The following TCERG1L variants were observed in gnomAD, a reference collection of about 807,000 sequenced individuals.
The protein encoded by TCERG1L is transcription elongation regulator 1-like protein.
TCERG1L carries 37 observed loss-of-function variants against 56.3 expected under a neutral mutation model. That is an observed-to-expected ratio of 0.66 (90% CI 0.51 to 0.87). The LOEUF (loss-of-function observed/expected upper bound fraction) is 0.87. Among genes scored for constraint, TCERG1L ranks in the 40% least tolerant of loss-of-function variants. The pLI, the probability that TCERG1L is intolerant of heterozygous loss-of-function variation, is 0.00. For synonymous variants in TCERG1L, 324 were observed against 326.3 expected, an observed-to-expected ratio of 0.99 and a Z score of 0.08; for missense variants, 799 against 774.2, an observed-to-expected ratio of 1.03 and a Z score of -0.38.
chr10:131,114,536 G>A (rs1845435888), intron 9 of TCERG1L, among the ~76,000 whole-genome samples: 1 of 152,040 alleles, frequency 6.6e-6, no homozygotes. Context: ...AGATGATTTT[G>A]CTGATTCCTG....
chr10:131,269,126 T>C (rs1431579395), intron 3 of TCERG1L, among the ~76,000 whole-genome samples: 2 of 152,242 alleles, frequency 1.3e-5, no homozygotes, highest in South Asian at 2.1e-4. Flanking sequence ...CATGCCACTC[T>C]TCTTTTCATT....
Position 131,249,685 on chromosome 10 carries a change from T to C in TCERG1L, c.856+10574A>G, listed in dbSNP as rs138512557. Among the ~76,000 whole-genome samples, 1,057 of 152,306 alleles carry C rather than the reference T, an allele frequency of 6.9e-3. 10 individuals carry two copies. Among genetic ancestry groups the C allele is most frequent in the African/African-American group, 0.024 (995 of 41,564 alleles). ...CAAAATATATATCACCAGTCTAAAC[T>C]GGAATCACATATCCACTCTCCCGCT... On this transcript the variant is annotated intron_variant, in intron 4 of 11. Transcript: ENST00000368642.
chr10:131,256,939 G>A lies in TCERG1L; in HGVS notation c.856+3320C>T, dbSNP rs942755441. Among the ~76,000 whole-genome samples the A allele has an allele frequency of 1.0e-4, 13 of 130,070 alleles. 1 individual carries two copies. Among genetic ancestry groups the A allele is most frequent in the Admixed American group, 3.5e-4 (4 of 11,504 alleles). 85.3% of individuals were successfully genotyped at this position (130,070 alleles called of 152,430 possible). On this transcript the variant is annotated intron_variant, in intron 4 of 11. Transcript: ENST00000368642. ...GGAAGGAAGGGAAGGAAGGGAGGGAGGAAGAGAAAGAAGGAAGGAAGGAAG... is the reference window on the plus strand; with the variant it reads ...GGAAGGAAGGGAAGGAAGGGAGGGAAGAAGAGAAAGAAGGAAGGAAGGAAG...
intron 8 of TCERG1L, among the ~76,000 whole-genome samples, chr10:131,131,782 G>A (rs966875120): frequency 6.6e-6 from 1 of 152,200 alleles, no homozygotes; most frequent in African/African-American, 2.4e-5. Flanking sequence ...ACATAATCAG[G>A]CTGCTGATGA....
intron 3 of TCERG1L, among the ~76,000 whole-genome samples, chr10:131,274,023 T>G (rs78411042): frequency 7.9e-5 from 12 of 152,170 alleles, no homozygotes; most frequent in African/African-American, 2.9e-4. Context: ...TTCTGTTTGG[T>G]TGAGAGAGGA....
chr10:131,214,275 C>G (rs1181292780), intron 4 of TCERG1L, among the ~76,000 whole-genome samples: 1 of 152,100 alleles, frequency 6.6e-6, no homozygotes, highest in African/African-American at 2.4e-5. Flanking sequence ...GCCCCCTGTC[C>G]AGGGCACAGT....
chr10:131,292,803 T>TA (rs1846644954), intron 3 of TCERG1L, among the ~76,000 whole-genome samples: 1 of 151,922 alleles, frequency 6.6e-6, no homozygotes, highest in Non-Finnish European at 1.5e-5. Flanking sequence ...TTTTTTCATG[T>TA]AATGTGTTTT....
intron 4 of TCERG1L, among the ~76,000 whole-genome samples, chr10:131,245,705 T>C (rs1268267325): frequency 6.6e-6 from 1 of 152,170 alleles, no homozygotes; most frequent in Admixed American, 6.5e-5. Context: ...CTGCCACTGC[T>C]CCTCGGTACA....
At chr10:131,238,508 C>A (rs1215408736) in intron 4 of TCERG1L, among the ~76,000 whole-genome samples, 2 of 152,144 alleles carry the variant, frequency 1.3e-5, no homozygotes, top group African/African-American at 4.8e-5. Context: ...GGCTTTATTT[C>A]ACAAGCGGAC....
chr10:131,207,745 C>T lies in TCERG1L; in HGVS notation c.857-40860G>A, dbSNP rs550440895. 1.4e-3 allele frequency among the ~76,000 whole-genome samples: 219 copies of T among 152,248 alleles called. 2 individuals are homozygous for T. Among genetic ancestry groups the T allele is most frequent in the Middle Eastern group, 0.014 (4 of 294 alleles). On this transcript the variant is annotated intron_variant, in intron 4 of 11. Coordinates refer to ENST00000368642, the MANE Select transcript of TCERG1L (RefSeq NM_174937.4). ...GCTGAGGTCCATGCGACCTCAGATG[C>T]GCCAGGCCCGGGAACCAGGACCGCC...
intron 3 of TCERG1L, among the ~76,000 whole-genome samples, chr10:131,293,348 G>C (rs1348173437): frequency 6.6e-6 from 1 of 152,120 alleles, no homozygotes; most frequent in Non-Finnish European, 1.5e-5. Flanking sequence ...CAGTGCAGGA[G>C]TATCGCCGTC....
chr10:131,104,890 C>T (rs1564792292), intron 9 of TCERG1L, among the ~76,000 whole-genome samples: 2 of 152,376 alleles, frequency 1.3e-5, no homozygotes, highest in African/African-American at 2.4e-5. Flanking sequence ...CAGTTTCTCA[C>T]GTCGTTAACA....
At chr10:131,284,806 G>A (rs2918115) in intron 3 of TCERG1L, among the ~76,000 whole-genome samples, 123,444 of 152,012 alleles carry the variant, frequency 0.81, 50,688 homozygotes, top group Non-Finnish European at 0.87. Context: ...AATTCTAGAA[G>A]AAAAATATAG....
At chr10:131,271,186 A>G (rs1846336930) in intron 3 of TCERG1L, among the ~76,000 whole-genome samples, 1 of 152,094 alleles carries the variant, frequency 6.6e-6, no homozygotes, top group Non-Finnish European at 1.5e-5. Context: ...GCACCCAACC[A>G]GCAGCTGGAT....
chr10:131,159,382 T>A (rs569021985), intron 6 of TCERG1L, among the ~76,000 whole-genome samples: 1 of 152,322 alleles, frequency 6.6e-6, no homozygotes, highest in Non-Finnish European at 1.5e-5. Flanking sequence ...GCCTCCTTAG[T>A]CCTGGGGGCT....
chr10:131,172,913 G>C (rs1846109107), intron 4 of TCERG1L, among the ~76,000 whole-genome samples: 1 of 139,284 alleles, frequency 7.2e-6, no homozygotes, highest in Admixed American at 7.4e-5. Flanking sequence ...TTTTGAGATG[G>C]AGTTTTGCTC....
At chr10:131,196,609 G>A (rs10765048) in intron 4 of TCERG1L, among the ~76,000 whole-genome samples, 55,925 of 151,826 alleles carry the variant, frequency 0.37, 10,425 homozygotes, top group Middle Eastern at 0.46. Flanking sequence ...GGGGAAAGAC[G>A]TAGAGGAGAG....
intron 8 of TCERG1L, among the ~76,000 whole-genome samples, chr10:131,129,490 C>T (rs1429512828): frequency 2.6e-5 from 4 of 152,192 alleles, no homozygotes; most frequent in Non-Finnish European, 5.9e-5. Flanking sequence ...TGTGTTATTC[C>T]AGCTTTTATG....
intron 3 of TCERG1L, among the ~76,000 whole-genome samples, chr10:131,265,003 C>T (rs1846271378): frequency 6.6e-6 from 1 of 152,072 alleles, no homozygotes; most frequent in African/African-American, 2.4e-5. Flanking sequence ...CTTGCCTGTC[C>T]CAGCCGAGCC....
Sources: gnomAD v4.1 joint callset for allele counts (sites outside exome capture counted in the v4.1 genomes callset) on GRCh38, gnomAD v4.1.1 for gene constraint, MANE v1.5 for transcripts, NCBI Gene and HGNC (gene_info 2026-07-23, HGNC 2026-07-21) for gene names.